TNK2: variants seen among roughly 807,000 people sequenced by gnomAD.
TNK2 encodes the protein activated CDC42 kinase 1.
In TNK2, 83 loss-of-function variants were observed where a neutral mutation model predicts 101.8. That is an observed-to-expected ratio of 0.82 (90% confidence interval 0.68 to 0.98). The LOEUF (loss-of-function observed/expected upper bound fraction) is 0.98, where lower values mean the gene tolerates loss of function less well. Ranked by LOEUF, TNK2 falls within the 50% of genes least tolerant of loss-of-function variation. TNK2 has a pLI of 0.00. For synonymous variants in TNK2, 804 were observed against 633.0 expected (o/e 1.27, Z -4.06); for missense variants, 1,665 against 1,483.2 (o/e 1.12, Z -2.01).
chr3:195,869,428 C>T (rs1309663658), intron 12 of TNK2, 69 bp downstream of exon 12: 1 of 1,503,382 alleles, frequency 6.7e-7, no homozygotes, highest in Admixed American at 2.0e-5. Flanking sequence ...GGCTCTGTAC[C>T]TTCCAGGAGA....
In TNK2 at chr3:195,886,922, A is replaced by AGG; in HGVS notation, c.234+53_234+54dup. 6.3e-7 allele frequency: 1 copy of AGG among 1,586,060 alleles called. No individual in the cohort carries two copies. The highest frequency in any genetic ancestry group is 8.7e-7 in the Non-Finnish European group (1 of 1,154,554). On this transcript the variant is annotated intron_variant, in intron 3 of 15. Transcript: ENST00000672887. The surrounding 1 kb of genome is among the most constrained non-coding windows in gnomAD (Gnocchi z 4.2). ...GGAAGGTTCCCAGGACCAGAAGCGG[A>AGG]GGGGGGCGTTCGAGGCTGCCCCCCT...
At position 195,868,117 on chromosome 3, in the gene TNK2, C is replaced by T. The variant is rs1163320655; in HGVS notation, c.2181G>A (p.Gln727=). Residue 727 remains glutamine (Q), a synonymous_variant, in exon 13 of 16, where the codon CAG becomes CAA. Coordinates refer to ENST00000672887, the MANE Select transcript of TNK2 (RefSeq NM_001382273.1). ...GAGCCTGCAGTTGCCTCATGCACTC[C>T]TGCTGTAGCGCCTGGAAGATCTCTG... ...QTAEIFQALQ[Q]ECMRQLQAPA... is the part of the protein sequence containing the mutation. 1.2e-6 allele frequency: 2 copies of T among 1,611,490 alleles called. No homozygotes were observed. Among genetic ancestry groups the T allele is most frequent in the African/African-American group, 2.7e-5 (2 of 74,844 alleles).
intron 9 of TNK2, among the ~76,000 whole-genome samples, chr3:195,874,098 G>T (rs1349623559): frequency 1.3e-5 from 2 of 152,230 alleles, no homozygotes; most frequent in African/African-American, 4.8e-5. Flanking sequence ...CACCGGCTGG[G>T]CTGCGGCTCT....
At chr3:195,883,132 G>A (rs1406780253) in intron 5 of TNK2, 25 bp downstream of exon 5, 64 of 952,904 alleles carry the variant, frequency 6.7e-5, no homozygotes, top group Middle Eastern at 2.6e-4. Flanking sequence ...CTCCCTGCCC[G>A]CCCCCTCCCG....
At chr3:195,900,912 G>A (rs868117351) in intron 1 of TNK2, among the ~76,000 whole-genome samples, 22 of 152,216 alleles carry the variant, frequency 1.4e-4, no homozygotes, top group African/African-American at 5.3e-4. Flanking sequence ...CAAGCCCTAC[G>A]CAAGAGTCCA....
At position 195,882,299 on chromosome 3, in the gene TNK2, C is replaced by G; in HGVS notation, c.639G>C (p.Leu213Phe). The change falls in exon 6 of 16, where the codon TTG becomes TTC. Residue 213 changes from leucine to phenylalanine, a missense_variant. Coordinates refer to ENST00000672887, the MANE Select transcript of TNK2 (RefSeq NM_001382273.1). This position sits in a 1 kb window ranked among gnomAD's most constrained non-coding sequence, Gnocchi z 4.2. ...MVTELAPLGS[L>F]LDRLRKHQGH... ...CCTGGTGCTTACGTAGCCGGTCCAA[C>G]AACGATCCCAGAGGTGCCAGCTCTG... 6.2e-7 allele frequency: 1 copy of G among 1,613,324 alleles called. No individual in the cohort carries two copies. The highest frequency in any genetic ancestry group is 8.5e-7 in the Non-Finnish European group (1 of 1,179,742).
intron 1 of TNK2, among the ~76,000 whole-genome samples, chr3:195,901,662 G>T (rs748161269): frequency 1.3e-5 from 2 of 152,176 alleles, no homozygotes; most frequent in African/African-American, 2.4e-5. Context: ...GGGTCCTCAG[G>T]AAGACACTAT....
At chr3:195,892,639 C>A (rs1759044603) in intron 1 of TNK2, 1 of 1,426,296 alleles carries the variant, frequency 7.0e-7, no homozygotes, top group African/African-American at 1.4e-5. Context: ...TGCTGCAAGC[C>A]CCGCTGGGTT....
In TNK2 at chr3:195,864,153, G is replaced by A. The variant is rs1202660046; in HGVS notation, c.*28C>T. ...GGACAGGCTCAGGTGATTCCTTCAG[G>A]CAGGCCCTCTGGCTCTCCAGACGCA... On this transcript the variant is annotated 3_prime_UTR_variant, in exon 16 of 16. Coordinates refer to ENST00000672887, the MANE Select transcript of TNK2 (RefSeq NM_001382273.1). 1.9e-6 allele frequency: 3 copies of A among 1,613,866 alleles called. No homozygotes were observed. The highest frequency in any genetic ancestry group is 1.7e-6 in the Non-Finnish European group (2 of 1,179,822).
At chr3:195,873,701 C>T (rs546489020) in intron 9 of TNK2, among the ~76,000 whole-genome samples, 10 of 152,306 alleles carry the variant, frequency 6.6e-5, no homozygotes, top group African/African-American at 1.9e-4. Flanking sequence ...GAGGTGGCGA[C>T]GCCTGGGCAC....
Position 195,887,062 on chromosome 3 carries a change from G to A in TNK2, c.164-15C>T, listed in dbSNP as rs768446892. 1.2e-6 allele frequency: 2 copies of A among 1,610,940 alleles called. No homozygotes were observed. Among genetic ancestry groups the A allele is most frequent in the South Asian group, 2.2e-5 (2 of 90,440 alleles). On this transcript the variant is annotated splice_polypyrimidine_tract_variant and intron_variant, in intron 2 of 15. Transcript: ENST00000672887. Reference sequence around the variant, plus strand: ...CCGCCGCTGGCCTGCAGGGAGAGCGGGGAACCGCGTGCTGTGAAGGCCGCC... The same window carrying A: ...CCGCCGCTGGCCTGCAGGGAGAGCGAGGAACCGCGTGCTGTGAAGGCCGCC...
chr3:195,896,463 C>A (rs890619583), intron 1 of TNK2, among the ~76,000 whole-genome samples: 1 of 152,050 alleles, frequency 6.6e-6, no homozygotes, highest in Non-Finnish European at 1.5e-5. Flanking sequence ...TGGATGACTG[C>A]CGGCGAGGCC....
chr3:195,870,216 G>T lies in TNK2; in HGVS notation c.1452-11C>A. The T allele has an allele frequency of 6.3e-7, 1 of 1,598,938 alleles. No homozygotes were observed. Among genetic ancestry groups the T allele is most frequent in the Non-Finnish European group, 8.5e-7 (1 of 1,172,070 alleles). ...TTTCCCAGATACAGTCTGTGGGGGA[G>T]AGAGCTGGGTCAAGAGAGCAGGGGA... is the stretch of plus-strand genomic sequence containing the variant. On this transcript the variant is annotated splice_polypyrimidine_tract_variant and intron_variant, in intron 10 of 15. Coordinates refer to ENST00000672887, the MANE Select transcript of TNK2 (RefSeq NM_001382273.1).
intron 1 of TNK2, chr3:195,892,401 C>G (rs1007851538): frequency 4.1e-5 from 63 of 1,527,868 alleles, no homozygotes; most frequent in Non-Finnish European, 5.3e-5. Context: ...AGCCCCTGCC[C>G]CCCACTCACT....
intron 12 of TNK2, 112 bp downstream of exon 12, chr3:195,869,385 A>AGCCCCCCCCC: frequency 1.1e-6 from 1 of 893,002 alleles, no homozygotes; most frequent in Non-Finnish European, 1.8e-6. Context: ...CACAGCACAC[A>AGCCCCCCCCC]CCCACCCACC....
At position 195,868,426 on chromosome 3, in the gene TNK2, C is replaced by T. The variant is rs144161756; in HGVS notation, c.1872G>A (p.Thr624=). Residue 624 remains threonine (T), a synonymous_variant, in exon 13 of 16, where the codon ACG becomes ACA. Coordinates refer to ENST00000672887, the MANE Select transcript of TNK2 (RefSeq NM_001382273.1). ...GGTGCAGGGGCCGGGGCAGTGCCCGCGTGGGGCTCTGAGGCGGGGTCTCGT... is the reference window on the plus strand; with the variant it reads ...GGTGCAGGGGCCGGGGCAGTGCCCGTGTGGGGCTCTGAGGCGGGGTCTCGT... ...LLDETPPQSP[T]RALPRPLHPT... is the part of the protein sequence containing the mutation. 4.3e-3 allele frequency: 6,797 copies of T among 1,568,048 alleles called. 35 individuals are homozygous for T. The highest frequency in any genetic ancestry group is 8.4e-3 in the East Asian group (372 of 44,098).
In TNK2 at chr3:195,882,686, C is replaced by G. The variant is rs542279076; in HGVS notation, c.610-358G>C. Among the ~76,000 whole-genome samples the G allele has an allele frequency of 5.3e-5, 8 of 152,090 alleles. No individual in the cohort carries two copies. Among genetic ancestry groups the G allele is most frequent in the Middle Eastern group, 6.8e-3 (2 of 294 alleles). On this transcript the variant is annotated intron_variant, in intron 5 of 15. Coordinates refer to ENST00000672887, the MANE Select transcript of TNK2 (RefSeq NM_001382273.1). This position sits in a 1 kb window ranked among gnomAD's most constrained non-coding sequence, Gnocchi z 4.2. ...CAGCCTGGCCAACATGGTGAAACCC[C>G]GTCTCTACTAAAAATACAAAAATTA...
At chr3:195,892,485 G>C in intron 1 of TNK2, 1 of 1,535,512 alleles carries the variant, frequency 6.5e-7, no homozygotes, top group Non-Finnish European at 8.7e-7. Context: ...CGTGCTGCCG[G>C]CATCTCCACG....
chr3:195,890,454 G>C (rs1047899309), intron 1 of TNK2, among the ~76,000 whole-genome samples: 10 of 119,176 alleles, frequency 8.4e-5, no homozygotes, highest in Non-Finnish European at 1.6e-4. Flanking sequence ...TAGTTTTTTG[G>C]TTTTTTTTTT....
Sources: allele counts gnomAD v4.1 joint callset (sites outside exome capture counted in the v4.1 genomes callset), GRCh38; gene constraint gnomAD v4.1.1; non-coding constraint Gnocchi (gnomAD v3.1); transcripts MANE v1.5; gene names NCBI Gene and HGNC (gene_info 2026-07-23, HGNC 2026-07-21).